LSAMP: variants seen among roughly 807,000 people sequenced by gnomAD.
LSAMP encodes limbic system-associated membrane protein.
In LSAMP, 7 loss-of-function variants were observed where a neutral mutation model predicts 38.6. The observed-to-expected ratio is 0.18, with a 90% confidence interval of 0.10 to 0.34. The LOEUF (loss-of-function observed/expected upper bound fraction) is 0.34, where lower values mean the gene tolerates loss of function less well. Among genes scored for constraint, LSAMP ranks in the 10% least tolerant of loss-of-function variants. The probability of loss-of-function intolerance (pLI) is 1.00; values close to 1 mark genes in which losing one functional copy is unlikely to be tolerated. For missense variants in LSAMP, 313 were observed against 420.0 expected (o/e 0.75, Z 2.23); for synonymous variants, 154 against 166.8 (o/e 0.92, Z 0.59).
chr3:115,931,427 T>C (rs1937579119), intron 3 of LSAMP, among the ~76,000 whole-genome samples: 1 of 152,178 alleles, frequency 6.6e-6, no homozygotes, highest in Non-Finnish European at 1.5e-5. Context: ...CTAATGAGAT[T>C]GTTCCACAAA....
intron 1 of LSAMP, among the ~76,000 whole-genome samples, chr3:116,120,166 C>A (rs1008891939): frequency 6.6e-6 from 1 of 151,858 alleles, no homozygotes; most frequent in African/African-American, 2.4e-5. Context: ...ACATACATAG[C>A]CAAGAAATTT....
At chr3:115,834,627 G>A (rs2107490364) in intron 6 of LSAMP, 3 of 1,164,142 alleles carry the variant, frequency 2.6e-6, no homozygotes, top group Non-Finnish European at 3.3e-6. Context: ...AATCATCATG[G>A]AGATTTTAAA....
chr3:115,893,375 T>G (rs1936649290), intron 3 of LSAMP, among the ~76,000 whole-genome samples: 1 of 152,050 alleles, frequency 6.6e-6, no homozygotes, highest in Non-Finnish European at 1.5e-5. Flanking sequence ...TAATGAATAT[T>G]GTCAACTCAA....
At chr3:116,009,141 A>T (rs1940252275) in intron 3 of LSAMP, among the ~76,000 whole-genome samples, 1 of 152,226 alleles carries the variant, frequency 6.6e-6, no homozygotes, top group Admixed American at 6.5e-5. Flanking sequence ...ATATTCGGTG[A>T]GTACTACACA....
intron 6 of LSAMP, among the ~76,000 whole-genome samples, chr3:115,818,823 A>ATATATAT (rs1934129422): frequency 2.3e-5 from 1 of 44,194 alleles, no homozygotes; most frequent in Non-Finnish European, 5.5e-5. Flanking sequence ...TATATATATA[A>ATATATAT]CTGCAGCAAC....
chr3:115,993,553 G>C (rs750369294), intron 3 of LSAMP, among the ~76,000 whole-genome samples: 38 of 152,004 alleles, frequency 2.5e-4, no homozygotes, highest in Non-Finnish European at 4.9e-4. Flanking sequence ...AGTTTTCTAA[G>C]TCATGACATG....
chr3:116,247,317 T>C (rs897606186), intron 1 of LSAMP, among the ~76,000 whole-genome samples: 2 of 152,190 alleles, frequency 1.3e-5, no homozygotes, highest in Non-Finnish European at 2.9e-5. Flanking sequence ...ACCAGAGCCT[T>C]TCTATATACA....
intron 1 of LSAMP, among the ~76,000 whole-genome samples, chr3:116,340,282 A>G (rs1220046637): frequency 6.6e-6 from 1 of 152,066 alleles, no homozygotes; most frequent in Non-Finnish European, 1.5e-5. Flanking sequence ...TGCCTGTTAC[A>G]TATGAGAATA....
At chr3:116,389,651 A>G (rs2048667454) in intron 1 of LSAMP, among the ~76,000 whole-genome samples, 1 of 152,148 alleles carries the variant, frequency 6.6e-6, no homozygotes, top group Non-Finnish European at 1.5e-5. Context: ...CCTTCCCTGG[A>G]TATAAATCAA....
At chr3:116,394,391 C>T (rs1238946992) in intron 1 of LSAMP, among the ~76,000 whole-genome samples, 2 of 152,178 alleles carry the variant, frequency 1.3e-5, no homozygotes, top group Non-Finnish European at 1.5e-5. Context: ...TAATCCTGCC[C>T]TATTGCTCCC....
rs1936263217 is a variant in LSAMP at position 115,879,270 on chromosome 3, A to G, written c.515-26653T>C. Among the ~76,000 whole-genome samples the G allele has an allele frequency of 3.9e-5, 6 of 152,164 alleles. No homozygotes were observed. In the South Asian group the frequency reaches 1.2e-3, roughly 31 times the overall value. On this transcript the variant is annotated intron_variant, in intron 3 of 6. Coordinates refer to ENST00000490035, the MANE Select transcript of LSAMP (RefSeq NM_002338.5). ...GATCTACAAATGTGTACATTTAACA[A>G]TATTAATGGAAATTGTCAATTTCAA... is the stretch of plus-strand genomic sequence containing the variant.
At chr3:116,293,216 A>G (rs549976222) in intron 1 of LSAMP, among the ~76,000 whole-genome samples, 1 of 152,260 alleles carries the variant, frequency 6.6e-6, no homozygotes, top group South Asian at 2.1e-4. Flanking sequence ...CTAGATCCAT[A>G]TTGTATTCAC....
chr3:116,021,708 A>G (rs948639558), intron 2 of LSAMP, among the ~76,000 whole-genome samples: 4 of 152,152 alleles, frequency 2.6e-5, no homozygotes, highest in Non-Finnish European at 4.4e-5. Context: ...TATCCCTAAT[A>G]TAAAACCATG....
chr3:116,358,417 G>T (rs1361584830), intron 1 of LSAMP, among the ~76,000 whole-genome samples: 2 of 152,214 alleles, frequency 1.3e-5, no homozygotes, highest in Middle Eastern at 3.4e-3. Context: ...CAATAGTCTA[G>T]ATGCCTTGGG....
At chr3:116,406,180 C>T (rs2048894931) in intron 1 of LSAMP, among the ~76,000 whole-genome samples, 1 of 152,064 alleles carries the variant, frequency 6.6e-6, no homozygotes, top group African/African-American at 2.4e-5. Context: ...TGAAGACTCA[C>T]TTATTCGAGA....
chr3:116,027,736 A>G (rs1940827056), intron 2 of LSAMP, among the ~76,000 whole-genome samples: 1 of 152,154 alleles, frequency 6.6e-6, no homozygotes, highest in Admixed American at 6.6e-5. Context: ...CCAGCTGTGA[A>G]TGTTTTAATG....
chr3:115,980,293 GT>G (rs1179594165), intron 3 of LSAMP, among the ~76,000 whole-genome samples: 1 of 151,944 alleles, frequency 6.6e-6, no homozygotes, highest in Non-Finnish European at 1.5e-5. Context: ...AAGATTGTAA[GT>G]TTTTTTGTTA....
intron 1 of LSAMP, among the ~76,000 whole-genome samples, chr3:116,222,775 G>A (rs13084323): frequency 0.54 from 64,050 of 119,086 alleles, 18,883 homozygotes; most frequent in East Asian, 0.79. Flanking sequence ...GTCTCTGTTC[G>A]CCCAGGCTGG....
At chr3:116,332,847 T>C (rs1388275103) in intron 1 of LSAMP, among the ~76,000 whole-genome samples, 1 of 152,108 alleles carries the variant, frequency 6.6e-6, no homozygotes, top group African/African-American at 2.4e-5. Context: ...ATGGCTCTAC[T>C]AGTATCAGAC....
Sources: gnomAD v4.1 joint callset for allele counts (sites outside exome capture counted in the v4.1 genomes callset) on GRCh38, gnomAD v4.1.1 for gene constraint, MANE v1.5 for transcripts, NCBI Gene and HGNC (gene_info 2026-07-23, HGNC 2026-07-21) for gene names.